Variants in ALDH3A2 observed in about 807,000 individuals in gnomAD.
The protein encoded by ALDH3A2 is aldehyde dehydrogenase family 3 member A2.
Under a neutral mutation model 51.3 loss-of-function variants are expected in ALDH3A2, and 36 were observed. That is an observed-to-expected ratio of 0.70 (90% confidence interval 0.54 to 0.93). The LOEUF (loss-of-function observed/expected upper bound fraction) is 0.93. Ranked by LOEUF, ALDH3A2 falls within the 40% of genes least tolerant of loss-of-function variation. The pLI is 0.00. For missense variants in ALDH3A2, 552 were observed against 603.1 expected, an observed-to-expected ratio of 0.92 and a Z score of 0.89; for synonymous variants, 199 against 219.8, an observed-to-expected ratio of 0.91 and a Z score of 0.84.
At chr17:19,658,329 T>C (rs747096318) in intron 5 of ALDH3A2, among the ~76,000 whole-genome samples, 2 of 152,162 alleles carry the variant, frequency 1.3e-5, no homozygotes, top group Non-Finnish European at 2.9e-5. Context: ...ATTAACAATC[T>C]TTCAGCGTGT....
chr17:19,654,727 C>T lies in ALDH3A2; in HGVS notation c.472-1639C>T, dbSNP rs2084871448. Among the ~76,000 whole-genome samples, 1 of 152,014 alleles carries T rather than the reference C, an allele frequency of 6.6e-6. No homozygotes were observed. The highest frequency in any genetic ancestry group is 2.1e-4 in the South Asian group (1 of 4,830). On this transcript the variant is annotated intron_variant, in intron 3 of 9. Coordinates refer to ENST00000176643, the MANE Select transcript of ALDH3A2 (RefSeq NM_000382.3). The surrounding 1 kb of genome is among the most constrained non-coding windows in gnomAD (Gnocchi z 4.5). ...CACACCTTCCCACAAGCAGAAGGAG[C>T]CGGCTCCAGCCTTGGCCAGCCCAGA...
chr17:19,652,593 C>G lies in ALDH3A2; in HGVS notation c.432C>G (p.Ala144=). 6.2e-7 allele frequency: 1 copy of G among 1,614,018 alleles called. No individual in the cohort carries two copies. The highest frequency in any genetic ancestry group is 8.5e-7 in the Non-Finnish European group (1 of 1,179,930). ...CTTCTGAACTGAGTGAAAATACAGCCAAGATCTTGGCAAAGCTTCTCCCTC... is the reference window on the plus strand; with the variant it reads ...CTTCTGAACTGAGTGAAAATACAGCGAAGATCTTGGCAAAGCTTCTCCCTC... ...IKPSELSENT[A]KILAKLLPQY... The change falls in exon 3 of 10, where the codon GCC becomes GCG. Residue 144 remains alanine, a synonymous_variant. Transcript: ENST00000176643.
chr17:19,651,499 G>C, intron 1 of ALDH3A2, 48 bp from the exon 2 acceptor site: 1 of 1,479,642 alleles, frequency 6.8e-7, no homozygotes, highest in Non-Finnish European at 9.4e-7. Flanking sequence ...TCAGGGCCAA[G>C]TGTATCATAC....
In ALDH3A2 at chr17:19,675,770, G is replaced by C; in HGVS notation, c.*198G>C. 1 of 642,416 alleles carries C rather than the reference G, an allele frequency of 1.6e-6. No homozygotes were observed. Among genetic ancestry groups the C allele is most frequent in the South Asian group, 1.8e-5 (1 of 54,164 alleles). 39.8% of individuals were successfully genotyped at this position (642,416 alleles called of 1,614,324 possible). A position where few individuals can be genotyped will look rare whatever the true frequency, so the allele number is the denominator to read the frequency against. On this transcript the variant is annotated 3_prime_UTR_variant, in exon 10 of 10. Coordinates refer to ENST00000176643, the MANE Select transcript of ALDH3A2 (RefSeq NM_000382.3). Reference sequence around the variant, plus strand: ...CTACGTCCCAACATTCCCTAATAGGGTATTCAGGGAACCTGTCTTAAATTG... The same window carrying C: ...CTACGTCCCAACATTCCCTAATAGGCTATTCAGGGAACCTGTCTTAAATTG...
rs149443575 is a variant in ALDH3A2 at position 19,670,719 on chromosome 17, C to T, written c.1208-1002C>T. On this transcript the variant is annotated intron_variant, in intron 8 of 9. Transcript: ENST00000176643. Reference sequence around the variant, plus strand: ...CTGGGACTACAGGCGTGCGCCACCACGTCCAACTAATTTTTGTATTTTTAG... The same window carrying T: ...CTGGGACTACAGGCGTGCGCCACCATGTCCAACTAATTTTTGTATTTTTAG... Among the ~76,000 whole-genome samples, 1,039 of 152,330 alleles carry T rather than the reference C, an allele frequency of 6.8e-3. 4 individuals carry two copies. The highest frequency in any genetic ancestry group is 0.028 in the East Asian group (146 of 5,190).
chr17:19,671,791 A>G lies in ALDH3A2; in HGVS notation c.1278A>G (p.Leu426=), dbSNP rs917216054. 1.9e-6 allele frequency: 3 copies of G among 1,614,098 alleles called. No homozygotes were observed. The highest frequency in any genetic ancestry group is 1.3e-5 in the African/African-American group (1 of 74,934). The stretch of plus-strand genomic sequence containing the variant: ...CTTTTTCTCATCAGCGTCCCTGTTT[A>G]TTAAAAAGTTTAAAGAGAGAAGGTG... The part of the protein sequence containing the change: ...FDTFSHQRPC[L]LKSLKREGAN... Residue 426 remains leucine, a synonymous_variant, in exon 9 of 10, where the codon TTA becomes TTG. Coordinates refer to ENST00000176643, the MANE Select transcript of ALDH3A2 (RefSeq NM_000382.3).
chr17:19,653,614 G>T (rs991410249), intron 3 of ALDH3A2, among the ~76,000 whole-genome samples: 1 of 152,058 alleles, frequency 6.6e-6, no homozygotes, highest in Non-Finnish European at 1.5e-5. Context: ...ATTCCTCCCG[G>T]TGGGTTCGTG....
At chr17:19,652,463 GC>G in intron 2 of ALDH3A2, 83 bp from the exon 3 acceptor site, 1 of 998,736 alleles carries the variant, frequency 1.0e-6, no homozygotes, top group Non-Finnish European at 1.6e-6. Flanking sequence ...GGAGTACCTA[GC>G]CTGTTCTTCC....
In ALDH3A2 at chr17:19,654,303, T is replaced by A. The variant is rs2084863049; in HGVS notation, c.471+1671T>A. ...GTGGAGCTGCCCATCAGTCCAGCGC[T>A]GCGCGCCTGCACCCCTCAGCCCTTG... is the stretch of plus-strand genomic sequence containing the variant. On this transcript the variant is annotated intron_variant, in intron 3 of 9. Coordinates refer to ENST00000176643, the MANE Select transcript of ALDH3A2 (RefSeq NM_000382.3). The surrounding 1 kb of genome is among the most constrained non-coding windows in gnomAD (Gnocchi z 4.5). 6.6e-6 allele frequency among the ~76,000 whole-genome samples: 1 copy of A among 152,248 alleles called. No individual in the cohort carries two copies. The highest frequency in any genetic ancestry group is 6.5e-5 in the Admixed American group (1 of 15,284).
At chr17:19,669,292 G>T (rs780609572) in intron 8 of ALDH3A2, among the ~76,000 whole-genome samples, 1 of 152,102 alleles carries the variant, frequency 6.6e-6, no homozygotes, top group Non-Finnish European at 1.5e-5. Flanking sequence ...AACAGAGCGA[G>T]ACTCCATCTC....
At position 19,661,249 on chromosome 17, in the gene ALDH3A2, T is replaced by A; in HGVS notation, c.921T>A (p.Asp307Glu). ...AGATAGCTTTTGGTGGGGAGACTGA[T>A]GAGGCCACACGCTACATAGGTAATG... Reference protein sequence around the residue: ...GQKIAFGGETDEATRYIAPTV... With the variant: ...GQKIAFGGETEEATRYIAPTV... The change falls in exon 6 of 10, where the codon GAT becomes GAA. Residue 307 changes from aspartate to glutamate, a missense_variant. Transcript: ENST00000176643. 1 of 1,614,182 alleles carries A rather than the reference T, an allele frequency of 6.2e-7. No individual in the cohort carries two copies. Among genetic ancestry groups the A allele is most frequent in the Non-Finnish European group, 8.5e-7 (1 of 1,180,028 alleles).
At chr17:19,656,236 C>A in intron 3 of ALDH3A2, 130 bp from the exon 4 acceptor site, 1 of 850,498 alleles carries the variant, frequency 1.2e-6, no homozygotes, top group Non-Finnish European at 2.0e-6. Flanking sequence ...CTCTCCCATC[C>A]CTCACAGGGA....
chr17:19,666,051 G>A (rs1426744928), intron 8 of ALDH3A2, among the ~76,000 whole-genome samples: 1 of 152,114 alleles, frequency 6.6e-6, no homozygotes, highest in Non-Finnish European at 1.5e-5. Context: ...CATGAGTGAG[G>A]GACAGGCGGG....
chr17:19,672,083 C>A, intron 9 of ALDH3A2, 127 bp downstream of exon 9: 1 of 907,316 alleles, frequency 1.1e-6, no homozygotes, highest in Non-Finnish European at 1.8e-6. Context: ...CCACAGCCTG[C>A]TGGCCAGCTA....
At chr17:19,673,830 T>A (rs1246100034) in intron 9 of ALDH3A2, among the ~76,000 whole-genome samples, 6 of 152,136 alleles carry the variant, frequency 3.9e-5, no homozygotes, top group Non-Finnish European at 8.8e-5. Context: ...TTTAAAAGGG[T>A]GAAGTGACTT....
In ALDH3A2 at chr17:19,648,793, G is replaced by A. The variant is rs1197837013; in HGVS notation, c.-179G>A. ...TCCGACTGGCAGTGGGACTCAGCGG[G>A]CGTGGAGGTCGCGGCTGAGCGAGCG... On this transcript the variant is annotated 5_prime_UTR_variant, in exon 1 of 10. Coordinates refer to ENST00000176643, the MANE Select transcript of ALDH3A2 (RefSeq NM_000382.3). 1.2e-6 allele frequency: 1 copy of A among 807,920 alleles called. No individual in the cohort carries two copies. The highest frequency in any genetic ancestry group is 1.7e-5 in the African/African-American group (1 of 58,806). The allele number at this position is 807,920 out of a possible 1,614,324, so 50.0% of individuals were successfully genotyped here. A position where few individuals can be genotyped will look rare whatever the true frequency, so the allele number is the denominator to read the frequency against.
chr17:19,664,975 TC>T lies in ALDH3A2; in HGVS notation c.1137del (p.Ser380ValfsTer48), dbSNP rs2152331147. Reference sequence around the variant, plus strand: ...CATCAAACGGATGATTGATGAGACATCCAGTGGAGGTGTCACAGGCAATGAC... The same window carrying T: ...CATCAAACGGATGATTGATGAGACATCAGTGGAGGTGTCACAGGCAATGAC... ...KLIKRMIDET[S>X]SGGVTGNDVI... On this transcript the variant is annotated frameshift_variant, in exon 8 of 10. Transcript: ENST00000176643. LOFTEE classifies it high-confidence loss of function. The T allele has an allele frequency of 6.2e-7, 1 of 1,613,942 alleles. No homozygotes were observed. Among genetic ancestry groups the T allele is most frequent in the East Asian group, 2.2e-5 (1 of 44,874 alleles).
chr17:19,673,829 G>C (rs956402099), intron 9 of ALDH3A2, among the ~76,000 whole-genome samples: 2 of 152,188 alleles, frequency 1.3e-5, no homozygotes, highest in Non-Finnish European at 2.9e-5. Context: ...TTTTAAAAGG[G>C]TGAAGTGACT....
At chr17:19,669,075 T>G (rs2152332409) in intron 8 of ALDH3A2, among the ~76,000 whole-genome samples, 1 of 151,642 alleles carries the variant, frequency 6.6e-6, no homozygotes, top group Non-Finnish European at 1.5e-5. Context: ...GGCAGGTAGA[T>G]CACCCGAGGT....
Sources: allele counts gnomAD v4.1 joint callset (sites outside exome capture counted in the v4.1 genomes callset), GRCh38; gene constraint gnomAD v4.1.1; non-coding constraint Gnocchi (gnomAD v3.1); transcripts MANE v1.5; gene names NCBI Gene and HGNC (gene_info 2026-07-23, HGNC 2026-07-21).